GALNTL6: variants seen among roughly 807,000 people sequenced by gnomAD.
GALNTL6 encodes the protein polypeptide N-acetylgalactosaminyltransferase-like 6.
In GALNTL6, 46 loss-of-function variants were observed where a neutral mutation model predicts 73.7. The observed-to-expected ratio is 0.62, with a 90% CI of 0.49 to 0.80. The LOEUF is 0.80. Ranked by LOEUF, GALNTL6 falls within the 30% of genes least tolerant of loss-of-function variation. GALNTL6 has a pLI of 0.00. For missense variants in GALNTL6, 604 were observed against 755.0 expected (o/e 0.80, Z 2.34); for synonymous variants, 259 against 263.7 (o/e 0.98, Z 0.17).
intron 2 of GALNTL6, among the ~76,000 whole-genome samples, chr4:172,074,085 C>T (rs1466992918): frequency 2.0e-5 from 3 of 152,132 alleles, no homozygotes; most frequent in East Asian, 1.9e-4. Flanking sequence ...ATCTCAATAA[C>T]GTGGAAGTAA....
At chr4:172,662,425 G>A (rs530949171) in intron 5 of GALNTL6, among the ~76,000 whole-genome samples, 1 of 152,296 alleles carries the variant, frequency 6.6e-6, no homozygotes, top group South Asian at 2.1e-4. Context: ...GTCACTTCTG[G>A]TGGGATTTTT....
chr4:172,403,993 G>A (rs1330162787), intron 5 of GALNTL6, among the ~76,000 whole-genome samples: 1 of 151,888 alleles, frequency 6.6e-6, no homozygotes, highest in Non-Finnish European at 1.5e-5. Flanking sequence ...TTAAACCACT[G>A]TCTTTTAAGG....
chr4:171,858,851 C>A (rs193231129), intron 2 of GALNTL6, among the ~76,000 whole-genome samples: 1 of 152,052 alleles, frequency 6.6e-6, no homozygotes, highest in East Asian at 1.9e-4. Flanking sequence ...CCTTATATTT[C>A]TTTTATACAA....
intron 2 of GALNTL6, among the ~76,000 whole-genome samples, chr4:172,218,632 T>A (rs751525715): frequency 2.0e-5 from 3 of 152,100 alleles, no homozygotes; most frequent in Non-Finnish European, 4.4e-5. Context: ...TTCTAATGGG[T>A]CCAAGAAAAC....
At chr4:171,953,225 C>CGTGTGTGTGTGT (rs36214606) in intron 2 of GALNTL6, among the ~76,000 whole-genome samples, 178 of 147,120 alleles carry the variant, frequency 1.2e-3, no homozygotes, top group East Asian at 7.9e-3. Context: ...CGCATGCGCA[C>CGTGTGTGTGTGT]GTGTGTGTGT....
chr4:172,939,634 G>C (rs1254119162), intron 9 of GALNTL6, among the ~76,000 whole-genome samples: 4 of 152,190 alleles, frequency 2.6e-5, no homozygotes, highest in Non-Finnish European at 5.9e-5. Context: ...ATTGGGCCTT[G>C]CCAGTTAGAT....
chr4:173,005,460 C>CT (rs1178812201), intron 10 of GALNTL6, among the ~76,000 whole-genome samples: 1 of 152,082 alleles, frequency 6.6e-6, no homozygotes, highest in African/African-American at 2.4e-5. Flanking sequence ...ACTGCTTCAC[C>CT]TTCAGCCAGA....
intron 5 of GALNTL6, among the ~76,000 whole-genome samples, chr4:172,752,046 TAA>T (rs5864166): frequency 1.0e-4 from 14 of 134,998 alleles, no homozygotes; most frequent in African/African-American, 2.3e-4. Flanking sequence ...AACTTAAACT[TAA>T]AAAAAAAAAA....
chr4:172,114,000 C>A (rs944832589), intron 2 of GALNTL6, among the ~76,000 whole-genome samples: 1 of 151,986 alleles, frequency 6.6e-6, no homozygotes. Flanking sequence ...TGAAACAAGA[C>A]AAACAAAAGA....
chr4:172,653,224 C>CT (rs5864143), intron 5 of GALNTL6, among the ~76,000 whole-genome samples: 115,490 of 143,670 alleles, frequency 0.8, 47,686 homozygotes, highest in East Asian at 0.97. Context: ...TCTCTTCTTC[C>CT]TTTTTTTTTT....
intron 5 of GALNTL6, among the ~76,000 whole-genome samples, chr4:172,358,060 T>C (rs1422538445): frequency 2.0e-5 from 3 of 152,176 alleles, no homozygotes; most frequent in African/African-American, 4.8e-5. Context: ...TATTTGTCCA[T>C]TTATCTGTCT....
intron 2 of GALNTL6, among the ~76,000 whole-genome samples, chr4:171,903,811 T>A (rs966195678): frequency 4.6e-5 from 7 of 152,112 alleles, no homozygotes; most frequent in Admixed American, 2.6e-4. Flanking sequence ...ACGGGCAGAC[T>A]GCCTCCTCAA....
At chr4:172,188,881 A>G (rs1735491316) in intron 2 of GALNTL6, among the ~76,000 whole-genome samples, 1 of 152,230 alleles carries the variant, frequency 6.6e-6, no homozygotes, top group African/African-American at 2.4e-5. Context: ...AACACAGGAC[A>G]GTGTACAAGT....
intron 2 of GALNTL6, among the ~76,000 whole-genome samples, chr4:172,011,665 TC>T (rs1741011577): frequency 6.6e-6 from 1 of 152,040 alleles, no homozygotes; most frequent in Admixed American, 6.6e-5. Context: ...CCCTTAAACC[TC>T]TAGTTACAGA....
At chr4:172,063,383 T>C (rs923551648) in intron 2 of GALNTL6, among the ~76,000 whole-genome samples, 7 of 152,344 alleles carry the variant, frequency 4.6e-5, no homozygotes, top group African/African-American at 1.7e-4. Context: ...CATTTAAAGA[T>C]GTTTATATTT....
At chr4:172,339,260 CACA>C (rs1298875993) in intron 4 of GALNTL6, among the ~76,000 whole-genome samples, 4 of 12,632 alleles carry the variant, frequency 3.2e-4, no homozygotes, top group Non-Finnish European at 1.4e-3. Flanking sequence ...ACACACACCA[CACA>C]CACACACACA....
intron 5 of GALNTL6, among the ~76,000 whole-genome samples, chr4:172,697,505 A>C (rs554565301): frequency 1.2e-4 from 18 of 152,320 alleles, no homozygotes; most frequent in African/African-American, 4.3e-4. Context: ...TACAATTATA[A>C]ATTTTTAAGG....
intron 2 of GALNTL6, among the ~76,000 whole-genome samples, chr4:171,963,221 G>T (rs528772825): frequency 2.0e-5 from 3 of 152,004 alleles, no homozygotes; most frequent in African/African-American, 7.3e-5. Flanking sequence ...CATTTTATTT[G>T]TGCCATTAAT....
At chr4:171,916,606 C>T (rs78894801) in intron 2 of GALNTL6, among the ~76,000 whole-genome samples, 3,714 of 152,032 alleles carry the variant, frequency 0.024, 85 homozygotes, top group Non-Finnish European at 0.033. Flanking sequence ...TATTTCAGAC[C>T]CAGAACTTAA....
Sources: gnomAD v4.1 joint callset for allele counts (sites outside exome capture counted in the v4.1 genomes callset) on GRCh38, gnomAD v4.1.1 for gene constraint, MANE v1.5 for transcripts, NCBI Gene and HGNC (gene_info 2026-07-23, HGNC 2026-07-21) for gene names.